Variants in KCP observed in about 807,000 individuals in gnomAD.
KCP encodes the protein kielin/chordin-like protein.
In KCP, 194 loss-of-function variants were observed where a neutral mutation model predicts 212.7. That is an observed-to-expected ratio of 0.91 (90% CI 0.81 to 1.03). The LOEUF is 1.03. Ranked by LOEUF, KCP falls within the 50% of genes least tolerant of loss-of-function variation. KCP has a pLI of 0.00. For missense variants in KCP, 2,080 were observed against 2,162.5 expected (o/e 0.96, Z 0.76); for synonymous variants, 833 against 865.3 (o/e 0.96, Z 0.65).
chr7:128,888,652 CCACA>C (rs1041678636), intron 22 of KCP, among the ~76,000 whole-genome samples: 2 of 148,712 alleles, frequency 1.3e-5, no homozygotes, highest in African/African-American at 5.0e-5. Context: ...ACATACACAG[CCACA>C]CACACACAGA....
At chr7:128,878,379 C>T (rs1032121302) in intron 38 of KCP, among the ~76,000 whole-genome samples, 179 bp downstream of exon 38, 3 of 152,104 alleles carry the variant, frequency 2.0e-5, no homozygotes, top group Admixed American at 1.3e-4. Context: ...TTTTGACAAG[C>T]CACCCTACCT....
chr7:128,898,063 C>CT (rs1179345535), intron 8 of KCP, among the ~76,000 whole-genome samples: 356 of 145,830 alleles, frequency 2.4e-3, no homozygotes, highest in African/African-American at 6.5e-3. Flanking sequence ...CTATTTTTTT[C>CT]TTTTTTTTTT....
chr7:128,893,507 A>G (rs748594805), intron 11 of KCP, 31 bp from the exon 12 acceptor site: 14 of 1,458,736 alleles, frequency 9.6e-6, no homozygotes, highest in Non-Finnish European at 1.2e-5. Context: ...GTGGGGGTAT[A>G]GGGCTGGAGG....
At chr7:128,906,452 A>G (rs1256310230) in intron 4 of KCP, 89 bp from the exon 5 acceptor site, 2 of 923,550 alleles carry the variant, frequency 2.2e-6, no homozygotes, top group Non-Finnish European at 3.5e-6. Flanking sequence ...AGGCTGGGAC[A>G]TGTCATAGGG....
At chr7:128,906,716 G>A (rs1795136154) in intron 4 of KCP, among the ~76,000 whole-genome samples, 1 of 152,160 alleles carries the variant, frequency 6.6e-6, no homozygotes, top group Non-Finnish European at 1.5e-5. Context: ...GCAGGCCAGG[G>A]GGTTCCGAAG....
intron 2 of KCP, among the ~76,000 whole-genome samples, 175 bp downstream of exon 2, chr7:128,908,251 G>GAAAGA (rs10565205): frequency 2.4e-3 from 245 of 101,246 alleles, no homozygotes; most frequent in African/African-American, 7.8e-3. Flanking sequence ...AAGAAAGAAA[G>GAAAGA]AAGAAAGAAA....
Position 128,902,786 on chromosome 7 carries a change from G to A in KCP, c.822C>T (p.Cys274=), listed in dbSNP as rs1794927421. The change falls in exon 8 of 40, where the codon TGC becomes TGT. Residue 274 remains cysteine (C), a synonymous_variant. Coordinates refer to ENST00000610776, the MANE Select transcript of KCP (RefSeq NM_001366122.1). ...CAGCCTCAGGACTCACCAGGCACCG[G>A]CAGATTCGGCAGGGGTCCCCAGGTG... is the stretch of plus-strand genomic sequence containing the variant. The part of the protein sequence containing the change: ...WTTPGDPCRI[C]RCLEGHIQCR... 3 of 1,551,496 alleles carry A rather than the reference G, an allele frequency of 1.9e-6. No homozygotes were observed. In the East Asian group the frequency reaches 7.3e-5, roughly 38 times the overall value.
chr7:128,907,259 CTT>C lies in KCP; in HGVS notation c.409+3_409+4del. 2 of 1,534,164 alleles carry C rather than the reference CTT, an allele frequency of 1.3e-6. No individual in the cohort carries two copies. Among genetic ancestry groups the C allele is most frequent in the Non-Finnish European group, 1.8e-6 (2 of 1,133,262 alleles). The stretch of plus-strand genomic sequence containing the variant: ...GCCCCAGTGGGCGGATAGGGTGGCA[CTT>C]ACCCCTGCAATGGGGCAGGTGTGCT... On this transcript the variant is annotated splice_donor_region_variant and intron_variant, in intron 3 of 39. Coordinates refer to ENST00000610776, the MANE Select transcript of KCP (RefSeq NM_001366122.1).
At chr7:128,909,420 G>A (rs891936833) in intron 1 of KCP, among the ~76,000 whole-genome samples, 3 of 152,180 alleles carry the variant, frequency 2.0e-5, no homozygotes, top group Admixed American at 6.5e-5. Context: ...GGGGAACAAT[G>A]TCACCCACTG....
chr7:128,894,323 C>T (rs1261085252), intron 8 of KCP, 30 bp from the exon 9 acceptor site: 4 of 1,478,386 alleles, frequency 2.7e-6, no homozygotes, highest in African/African-American at 2.8e-5. Context: ...GGGGAAGGGG[C>T]CGACAGGGCT....
chr7:128,885,091 C>T lies in KCP; in HGVS notation c.3040+6G>A. 2 of 1,550,730 alleles carry T rather than the reference C, an allele frequency of 1.3e-6. No individual in the cohort carries two copies. Among genetic ancestry groups the T allele is most frequent in the Admixed American group, 2.0e-5 (1 of 51,014 alleles). On this transcript the variant is annotated splice_donor_region_variant and intron_variant, in intron 27 of 39. Transcript: ENST00000610776. The stretch of plus-strand genomic sequence containing the variant: ...CCTTTCCCCTCCCGCCCCAGGCTTC[C>T]AGTACCAGAGCATTGAGGACAGCAG...
chr7:128,890,917 G>A lies in KCP; in HGVS notation c.2152C>T (p.Pro718Ser). The change falls in exon 20 of 40, where the codon CCC becomes TCC. Residue 718 changes from proline to serine, a missense_variant. Transcript: ENST00000610776. Reference sequence around the variant, plus strand: ...GCCAGGGCGTTACCGTCGCAGGAGGGGCAGCAAGGCCCCTGGCGCGGGTGC... The same window carrying A: ...GCCAGGGCGTTACCGTCGCAGGAGGAGCAGCAAGGCCCCTGGCGCGGGTGC... ...CAHPRQGPCC[P>S]SCDGCLYQGK... 1 of 1,246,422 alleles carries A rather than the reference G, an allele frequency of 8.0e-7. No individual in the cohort carries two copies. Among genetic ancestry groups the A allele is most frequent in the Non-Finnish European group, 1.0e-6 (1 of 1,000,348 alleles). 77.2% of individuals were successfully genotyped at this position (1,246,422 alleles called of 1,614,324 possible). A position where few individuals can be genotyped will look rare whatever the true frequency, so the allele number is the denominator to read the frequency against.
intron 22 of KCP, among the ~76,000 whole-genome samples, chr7:128,887,668 C>T (rs1793751425): frequency 6.7e-6 from 1 of 149,062 alleles, no homozygotes. Flanking sequence ...CATATACATA[C>T]AGCCACACAC....
chr7:128,906,174 G>C, intron 5 of KCP, 105 bp downstream of exon 5: 2 of 932,470 alleles, frequency 2.1e-6, no homozygotes, highest in Non-Finnish European at 1.7e-6. Flanking sequence ...AGAGTGAGTG[G>C]GTAGGCACCC....
At position 128,878,563 on chromosome 7, in the gene KCP, A is replaced by C; in HGVS notation, c.4306T>G (p.Trp1436Gly). ...LPSEAAFGNS[W>G]QVSEGLWPGR... ...CCGGTTCCTGTACCACTCACCTGCC[A>C]GCTATTCCCAAACGCAGCCTCCGAG... The change falls in exon 38 of 40, where the codon TGG becomes GGG. Residue 1436 changes from tryptophan (W) to glycine (G), a missense_variant. Coordinates refer to ENST00000610776, the MANE Select transcript of KCP (RefSeq NM_001366122.1). The C allele has an allele frequency of 6.4e-7, 1 of 1,551,094 alleles. No homozygotes were observed.
At chr7:128,898,597 T>C (rs912046856) in intron 8 of KCP, among the ~76,000 whole-genome samples, 3 of 152,242 alleles carry the variant, frequency 2.0e-5, no homozygotes, top group African/African-American at 7.2e-5. Flanking sequence ...TTGAGACTAC[T>C]GAAAAAGCAG....
At position 128,893,410 on chromosome 7, in the gene KCP, C is replaced by A; in HGVS notation, c.1166G>T (p.Cys389Phe). The A allele has an allele frequency of 6.4e-7, 1 of 1,551,672 alleles. No homozygotes were observed. The highest frequency in any genetic ancestry group is 8.7e-7 in the Non-Finnish European group (1 of 1,146,954). Reference sequence around the variant, plus strand: ...GCCTACCTGGCAGGAGCAGCGGACACAGAGGCCCCGCTCTTGGAGTCTGAA... The same window carrying A: ...GCCTACCTGGCAGGAGCAGCGGACAAAGAGGCCCCGCTCTTGGAGTCTGAA... The part of the protein sequence containing the change: ...ETFRLQERGL[C>F]VRCSCQAGEV... Residue 389 changes from cysteine (C) to phenylalanine (F), a missense_variant, in exon 12 of 40, where the codon TGT becomes TTT. Transcript: ENST00000610776.
Position 128,877,693 on chromosome 7 carries a change from G to A in KCP, c.4409C>T (p.Ala1470Val), listed in dbSNP as rs1793076921. The change falls in exon 39 of 40, where the codon GCC becomes GTC. Residue 1470 changes from alanine (A) to valine (V), a missense_variant. By Grantham distance (64) the Ala-to-Val change is moderately conservative (BLOSUM62 0). Transcript: ENST00000610776. ...AGYRARREAN[A>V]RCGVLKSSPF... ...GGAGGACTTCAGCACCCCACACCGGGCATTGGCCTCACGCCTGGCACGGTA... is the reference window on the plus strand; with the variant it reads ...GGAGGACTTCAGCACCCCACACCGGACATTGGCCTCACGCCTGGCACGGTA... 6.4e-7 allele frequency: 1 copy of A among 1,551,298 alleles called. No individual in the cohort carries two copies. Among genetic ancestry groups the A allele is most frequent in the Non-Finnish European group, 8.7e-7 (1 of 1,146,962 alleles).
intron 5 of KCP, 121 bp downstream of exon 5, chr7:128,906,158 A>T: frequency 1.3e-6 from 1 of 794,398 alleles, no homozygotes; most frequent in Non-Finnish European, 2.1e-6. Flanking sequence ...TCCCCTGGCC[A>T]CTGTCAGAGT....
Sources: gnomAD v4.1 joint callset for allele counts (sites outside exome capture counted in the v4.1 genomes callset) on GRCh38, gnomAD v4.1.1 for gene constraint, MANE v1.5 for transcripts, NCBI Gene and HGNC (gene_info 2026-07-23, HGNC 2026-07-21) for gene names.